ATXN1: variants seen among roughly 807,000 people sequenced by gnomAD.
ATXN1 encodes ataxin-1.
A neutral mutation model predicts 56.4 loss-of-function variants in ATXN1; 8 were observed. That is an observed-to-expected ratio of 0.14 (90% CI 0.08 to 0.26). The LOEUF is 0.26. Among genes scored for constraint, ATXN1 ranks in the 10% least tolerant of loss-of-function variants. The pLI, the probability that ATXN1 is intolerant of heterozygous loss-of-function variation, is 1.00. For synonymous variants in ATXN1, 514 were observed against 494.6 expected, an observed-to-expected ratio of 1.04 and a Z score of -0.52; for missense variants, 987 against 1,106.5, an observed-to-expected ratio of 0.89 and a Z score of 1.53.
At chr6:16,695,198 CTG>C (rs1759138233) in intron 2 of ATXN1, among the ~76,000 whole-genome samples, 3 of 152,304 alleles carry the variant, frequency 2.0e-5, no homozygotes, top group African/African-American at 7.2e-5. Context: ...ATCACATACA[CTG>C]TTTCTCTGAG....
At position 16,455,913 on chromosome 6, in the gene ATXN1, C is replaced by T. The variant is rs543987518; in HGVS notation, c.-161+30059G>A. On this transcript the variant is annotated intron_variant, in intron 6 of 7. Coordinates refer to ENST00000436367, the MANE Select transcript of ATXN1 (RefSeq NM_001128164.2). ...ACGCTCTGTAAAATGCACCAATCAACGCTCTGTAAAATGCACCAATCAGCA... is the reference window on the plus strand; with the variant it reads ...ACGCTCTGTAAAATGCACCAATCAATGCTCTGTAAAATGCACCAATCAGCA... Among the ~76,000 whole-genome samples, 88 of 152,160 alleles carry T rather than the reference C, an allele frequency of 5.8e-4. 1 individual carries two copies. The highest frequency in any genetic ancestry group is 9.4e-4 in the Non-Finnish European group (64 of 68,030).
At chr6:16,552,099 A>G (rs1171421046) in intron 4 of ATXN1, among the ~76,000 whole-genome samples, 1 of 152,240 alleles carries the variant, frequency 6.6e-6, no homozygotes, top group Admixed American at 6.5e-5. Context: ...CCAAGGACAC[A>G]TGCTCTCAAT....
intron 4 of ATXN1, among the ~76,000 whole-genome samples, chr6:16,539,059 G>C (rs1761662094): frequency 6.6e-6 from 1 of 152,138 alleles, no homozygotes; most frequent in Admixed American, 6.5e-5. Flanking sequence ...CCCACTCTAA[G>C]TCTGTTCATT....
intron 2 of ATXN1, among the ~76,000 whole-genome samples, chr6:16,743,129 G>C (rs1760399746): frequency 6.6e-6 from 1 of 152,146 alleles, no homozygotes; most frequent in African/African-American, 2.4e-5. Context: ...TTTTCAATGA[G>C]GAGGAAGACA....
chr6:16,654,740 G>A (rs1688308478), intron 3 of ATXN1, among the ~76,000 whole-genome samples: 1 of 151,936 alleles, frequency 6.6e-6, no homozygotes, highest in Non-Finnish European at 1.5e-5. Context: ...CAGCATAAAT[G>A]GAGAGGAAGA....
At chr6:16,623,313 A>G (rs1763352256) in intron 3 of ATXN1, among the ~76,000 whole-genome samples, 2 of 152,208 alleles carry the variant, frequency 1.3e-5, no homozygotes, top group South Asian at 4.1e-4. Context: ...GTACCAATGA[A>G]TATTCCTATC....
In ATXN1 at chr6:16,730,487, G is replaced by GTGTGTATATATATATATATATATA. The variant is rs141836403; in HGVS notation, c.-615+22745_-615+22746insTATATATATATATATATATACACA. Among the ~76,000 whole-genome samples, 30 of 132,052 alleles carry GTGTGTATATATATATATATATATA rather than the reference G, an allele frequency of 2.3e-4. 1 individual carries two copies. The highest frequency in any genetic ancestry group is 4.1e-4 in the East Asian group (2 of 4,866). The allele number at this position is 132,052 out of a possible 152,430, so 86.6% of individuals were successfully genotyped here. A position where few individuals can be genotyped will look rare whatever the true frequency, so the allele number is the denominator to read the frequency against. ...CTGGAGTTAAAGGGTAAAACAGTAT[G>GTGTGTATATATATATATATATATA]TATATATATATATATATATAAATGT... On this transcript the variant is annotated intron_variant, in intron 2 of 7. Coordinates refer to ENST00000436367, the MANE Select transcript of ATXN1 (RefSeq NM_001128164.2).
chr6:16,720,752 A>G (rs937152419), intron 2 of ATXN1, among the ~76,000 whole-genome samples: 8 of 152,218 alleles, frequency 5.3e-5, no homozygotes, highest in Admixed American at 3.9e-4. Context: ...TTTTCCTACC[A>G]GCTATGTGAG....
At chr6:16,391,161 C>CAAAAAA (rs35472967) in intron 6 of ATXN1, among the ~76,000 whole-genome samples, 1 of 56,382 alleles carries the variant, frequency 1.8e-5, no homozygotes, top group Non-Finnish European at 3.6e-5. Context: ...GACTCCATCT[C>CAAAAAA]AAAAAAAAAA....
rs1287217861 is a variant in ATXN1 at position 16,328,951 on chromosome 6, A to T, written c.-160-481T>A. ...CCAAAAACGAAACAAAACAACAACA[A>T]CAAAAACAAAAACACTAGCCGTGGC... On this transcript the variant is annotated intron_variant, in intron 6 of 7. Coordinates refer to ENST00000436367, the MANE Select transcript of ATXN1 (RefSeq NM_001128164.2). The surrounding 1 kb of genome is among the most constrained non-coding windows in gnomAD (Gnocchi z 6.2). 6.6e-6 allele frequency among the ~76,000 whole-genome samples: 1 copy of T among 152,036 alleles called. No individual in the cohort carries two copies. Among genetic ancestry groups the T allele is most frequent in the African/African-American group, 2.4e-5 (1 of 41,392 alleles).
intron 6 of ATXN1, among the ~76,000 whole-genome samples, chr6:16,421,035 T>C (rs1759021706): frequency 6.6e-6 from 1 of 152,260 alleles, no homozygotes; most frequent in East Asian, 1.9e-4. Context: ...GGCTGGGTAC[T>C]GGCACTCGCC....
chr6:16,340,019 G>A (rs1425245087), intron 6 of ATXN1, among the ~76,000 whole-genome samples: 9 of 152,118 alleles, frequency 5.9e-5, no homozygotes, highest in Admixed American at 1.3e-4. Context: ...TTGACTTCGC[G>A]GTCTGCCCAC....
At position 16,306,429 on chromosome 6, in the gene ATXN1, T is replaced by C; in HGVS notation, c.2348A>G (p.Glu783Gly). 6.2e-7 allele frequency: 1 copy of C among 1,614,192 alleles called. No individual in the cohort carries two copies. ...CAAAGGTGGTTCGTCTTCTGACTTCTCCAGTTTGCGGCTCTCTGGCGCCGA... is the reference window on the plus strand; with the variant it reads ...CAAAGGTGGTTCGTCTTCTGACTTCCCCAGTTTGCGGCTCTCTGGCGCCGA... Reference protein sequence around the residue: ...RWSAPESRKLEKSEDEPPLTL... With the variant: ...RWSAPESRKLGKSEDEPPLTL... Residue 783 changes from glutamate to glycine, a missense_variant, in exon 8 of 8, where the codon GAG becomes GGG. Physicochemically the swap from Glu to Gly is moderately conservative, Grantham distance 98. Transcript: ENST00000436367. The surrounding 1 kb of genome is among the most constrained non-coding windows in gnomAD (Gnocchi z 5.2).
At chr6:16,508,095 C>A (rs1261138694) in intron 5 of ATXN1, among the ~76,000 whole-genome samples, 3 of 152,008 alleles carry the variant, frequency 2.0e-5, no homozygotes, top group African/African-American at 7.3e-5. Context: ...GGGGTCTCAA[C>A]AAATGTAACC....
chr6:16,749,294 C>T (rs546961693), intron 2 of ATXN1, among the ~76,000 whole-genome samples: 2 of 152,272 alleles, frequency 1.3e-5, no homozygotes, highest in Admixed American at 1.3e-4. Context: ...ATGAATAAAT[C>T]AACGGTAGAA....
At chr6:16,722,904 A>G (rs1759773885) in intron 2 of ATXN1, among the ~76,000 whole-genome samples, 1 of 152,226 alleles carries the variant, frequency 6.6e-6, no homozygotes, top group African/African-American at 2.4e-5. Context: ...GTTATGTTTA[A>G]GAATTTAAAA....
intron 6 of ATXN1, among the ~76,000 whole-genome samples, chr6:16,339,696 A>C (rs148973712): frequency 1.8e-3 from 267 of 152,372 alleles, no homozygotes; most frequent in African/African-American, 6.2e-3. Flanking sequence ...TGGCTAAAAA[A>C]GGGCAGAAAC....
At chr6:16,740,333 A>AG (rs949098812) in intron 2 of ATXN1, among the ~76,000 whole-genome samples, 2 of 152,196 alleles carry the variant, frequency 1.3e-5, no homozygotes. Flanking sequence ...GTCCAGCACC[A>AG]GCTCCTTCTT....
chr6:16,340,477 C>A (rs1356658477), intron 6 of ATXN1, among the ~76,000 whole-genome samples: 3 of 152,170 alleles, frequency 2.0e-5, no homozygotes, highest in Non-Finnish European at 4.4e-5. Flanking sequence ...ATGTCTGGAC[C>A]CCTCTAGACC....
Sources: allele counts gnomAD v4.1 joint callset (sites outside exome capture counted in the v4.1 genomes callset), GRCh38; gene constraint gnomAD v4.1.1; non-coding constraint Gnocchi (gnomAD v3.1); transcripts MANE v1.5; gene names NCBI Gene and HGNC (gene_info 2026-07-23, HGNC 2026-07-21).